Variants in LPIN2 observed in about 807,000 individuals in gnomAD.
LPIN2 encodes phosphatidate phosphatase LPIN2.
LPIN2 carries 55 observed loss-of-function variants against 111.4 expected under a neutral mutation model. The ratio of observed to expected loss-of-function variants is 0.49; its 90% CI spans 0.40 to 0.62. The LOEUF is 0.62. Ranked by LOEUF, LPIN2 falls within the 20% of genes least tolerant of loss-of-function variation. The pLI, the probability that LPIN2 is intolerant of heterozygous loss-of-function variation, is 0.00. For missense variants in LPIN2, 992 were observed against 1,112.1 expected (o/e 0.89, Z 1.54); for synonymous variants, 425 against 414.0 (o/e 1.03, Z -0.32).
chr18:3,008,539 A>G (rs1328005169), intron 1 of LPIN2, among the ~76,000 whole-genome samples: 1 of 152,276 alleles, frequency 6.6e-6, no homozygotes, highest in Non-Finnish European at 1.5e-5. Flanking sequence ...TGTCACTAAC[A>G]AAGTTACTTT....
chr18:2,994,522 T>C (rs1324571745), intron 1 of LPIN2, among the ~76,000 whole-genome samples: 4 of 150,928 alleles, frequency 2.7e-5, no homozygotes, highest in Admixed American at 2.0e-4. Context: ...GGAGGACATA[T>C]AATAATATTT....
intron 1 of LPIN2, among the ~76,000 whole-genome samples, chr18:2,979,768 G>A (rs1307820646): frequency 1.3e-5 from 2 of 152,144 alleles, no homozygotes; most frequent in Non-Finnish European, 2.9e-5. Context: ...GTTCATCTGT[G>A]GCGAGCATGC....
intron 1 of LPIN2, among the ~76,000 whole-genome samples, chr18:2,962,136 G>A (rs999815783): frequency 5.3e-5 from 8 of 152,288 alleles, no homozygotes; most frequent in East Asian, 1.9e-4. Flanking sequence ...GAGTGGCCAC[G>A]GCAGAGCCCT....
rs1598523320 is a variant in LPIN2, at chr18:2,925,104, C to G, written c.1938+120G>C. The G allele has an allele frequency of 4.5e-6, 6 of 1,330,436 alleles. No individual in the cohort carries two copies. The East Asian group carries it at 1.4e-4, about 31-fold the overall frequency. 82.4% of individuals were successfully genotyped at this position (1,330,436 alleles called of 1,614,324 possible). ...TGGTTCCACTGTGGATAGGCATTGACACGACCATGCCGTGTGGCGTGTATG... is the reference window on the plus strand; with the variant it reads ...TGGTTCCACTGTGGATAGGCATTGAGACGACCATGCCGTGTGGCGTGTATG... On this transcript the variant is annotated intron_variant, in intron 14 of 19. Coordinates refer to ENST00000677752, the MANE Select transcript of LPIN2 (RefSeq NM_001375808.2). This position sits in a 1 kb window ranked among gnomAD's most constrained non-coding sequence, Gnocchi z 4.1.
intron 1 of LPIN2, chr18:2,982,906 A>T (rs547031770): frequency 3.8e-4 from 58 of 154,600 alleles, no homozygotes; most frequent in African/African-American, 1.4e-3. Flanking sequence ...AATGGTTCTT[A>T]AAAAAAAAAA....
At chr18:2,931,675 C>T (rs934336398) in intron 8 of LPIN2, among the ~76,000 whole-genome samples, 1 of 152,154 alleles carries the variant, frequency 6.6e-6, no homozygotes, top group African/African-American at 2.4e-5. Context: ...ATAGTAAATA[C>T]GTCACAAAAT....
intron 1 of LPIN2, among the ~76,000 whole-genome samples, chr18:2,969,298 T>G (rs957514380): frequency 2.2e-4 from 34 of 152,218 alleles, no homozygotes; most frequent in Admixed American, 6.5e-5. Flanking sequence ...GCTCTGAGCC[T>G]TGGGAATTGT....
intron 1 of LPIN2, among the ~76,000 whole-genome samples, chr18:2,973,751 T>A (rs1261104690): frequency 6.6e-6 from 1 of 152,218 alleles, no homozygotes; most frequent in Non-Finnish European, 1.5e-5. Flanking sequence ...AACATAAAAT[T>A]CATTTATGTT....
intron 1 of LPIN2, among the ~76,000 whole-genome samples, chr18:2,995,693 G>T (rs1378783751): frequency 6.6e-6 from 1 of 152,162 alleles, no homozygotes; most frequent in Non-Finnish European, 1.5e-5. Flanking sequence ...TCTGACATGC[G>T]TGGTTCATCA....
intron 1 of LPIN2, chr18:2,977,312 T>C (rs1176795447): frequency 6.6e-6 from 1 of 152,028 alleles, no homozygotes; most frequent in Non-Finnish European, 1.5e-5. Context: ...TATGAACCCA[T>C]GGTTTTAAAG....
At chr18:2,984,011 A>G (rs955040807) in intron 1 of LPIN2, among the ~76,000 whole-genome samples, 1 of 152,230 alleles carries the variant, frequency 6.6e-6, no homozygotes, top group Non-Finnish European at 1.5e-5. Context: ...TTAATTCATC[A>G]ACAATATACT....
In LPIN2 at chr18:2,917,748, G is replaced by C. The variant is rs1173764849; in HGVS notation, c.*2545C>G. The C allele has an allele frequency of 1.3e-5, 2 of 152,346 alleles. No homozygotes were observed. Among genetic ancestry groups the C allele is most frequent in the Non-Finnish European group, 2.9e-5 (2 of 68,092 alleles). 9.4% of individuals were successfully genotyped at this position (152,346 alleles called of 1,614,324 possible). ...GCAGACAGCAACTCACACGGGACGA[G>C]CTTCAGCACACAGACAGCAAAGCAA... On this transcript the variant is annotated 3_prime_UTR_variant, in exon 20 of 20. Coordinates refer to ENST00000677752, the MANE Select transcript of LPIN2 (RefSeq NM_001375808.2).
At position 2,917,527 on chromosome 18, in the gene LPIN2, A is replaced by G. The variant is rs1366163395; in HGVS notation, c.*2766T>C. On this transcript the variant is annotated 3_prime_UTR_variant, in exon 20 of 20. Transcript: ENST00000677752. ...CCGGGCCAGCGCTTCCCAGTCATCCAATCTCCTTTGTCCCTCGGTTGTTCT... is the reference window on the plus strand; with the variant it reads ...CCGGGCCAGCGCTTCCCAGTCATCCGATCTCCTTTGTCCCTCGGTTGTTCT... 1 of 152,222 alleles carries G rather than the reference A, an allele frequency of 6.6e-6. No homozygotes were observed. 9.4% of individuals were successfully genotyped at this position (152,222 alleles called of 1,614,324 possible).
chr18:2,921,792 G>T, intron 17 of LPIN2, 145 bp from the exon 18 acceptor site: 1 of 770,652 alleles, frequency 1.3e-6, no homozygotes. Context: ...TTGCCAGTCT[G>T]ATAACTAAGA....
intron 2 of LPIN2, among the ~76,000 whole-genome samples, chr18:2,958,099 C>T (rs1167918687): frequency 7.7e-6 from 1 of 130,312 alleles, no homozygotes; most frequent in African/African-American, 2.9e-5. Flanking sequence ...CAGAGATCGC[C>T]CCACTGCACT....
chr18:3,002,925 G>A (rs1408295626), intron 1 of LPIN2, among the ~76,000 whole-genome samples: 1 of 152,132 alleles, frequency 6.6e-6, no homozygotes, highest in African/African-American at 2.4e-5. Context: ...CAGCTACTTC[G>A]GGACAAGAGG....
At chr18:3,007,225 GCAGTGGTGCTAT>G (rs946603617) in intron 1 of LPIN2, among the ~76,000 whole-genome samples, 1 of 151,966 alleles carries the variant, frequency 6.6e-6, no homozygotes, top group African/African-American at 2.4e-5. Context: ...GGGCTGTAGT[GCAGTGGTGCTAT>G]CTTGGCTCAC....
chr18:2,965,884 A>C (rs2077794116), intron 1 of LPIN2, among the ~76,000 whole-genome samples: 1 of 152,242 alleles, frequency 6.6e-6, no homozygotes, highest in Non-Finnish European at 1.5e-5. Context: ...GGTAGTTTAA[A>C]AACAATAAAA....
At position 2,920,284 on chromosome 18, in the gene LPIN2, G is replaced by A. The variant is rs562537245; in HGVS notation, c.*9C>T. On this transcript the variant is annotated 3_prime_UTR_variant, in exon 20 of 20. Coordinates refer to ENST00000677752, the MANE Select transcript of LPIN2 (RefSeq NM_001375808.2). ...GGACCAAGCCCTGCCCACCCACTGA[G>A]GTGCCGCCTCAAGACAGGTCATCCA... 2 of 1,614,110 alleles carry A rather than the reference G, an allele frequency of 1.2e-6. No homozygotes were observed. The highest frequency in any genetic ancestry group is 2.2e-5 in the East Asian group (1 of 44,878).
Sources: gnomAD v4.1 joint callset for allele counts (sites outside exome capture counted in the v4.1 genomes callset) on GRCh38, gnomAD v4.1.1 for gene constraint, Gnocchi (gnomAD v3.1) non-coding constraint, MANE v1.5 for transcripts, NCBI Gene and HGNC (gene_info 2026-07-23, HGNC 2026-07-21) for gene names.